The following KRT5 variants were observed in gnomAD, a reference collection of about 807,000 sequenced individuals.
KRT5 encodes the protein keratin, type II cytoskeletal 5.
In KRT5, 17 loss-of-function variants were observed where a neutral mutation model predicts 44.0. The ratio of observed to expected loss-of-function variants is 0.39; its 90% confidence interval spans 0.26 to 0.58. KRT5 has a LOEUF of 0.58. KRT5 is among the 20% of genes least tolerant of loss of function. The probability of loss-of-function intolerance (pLI) is 0.61; values close to 1 mark genes in which losing one functional copy is unlikely to be tolerated. For synonymous variants in KRT5, 329 were observed against 312.8 expected (o/e 1.05, Z -0.55); for missense variants, 737 against 785.5 (o/e 0.94, Z 0.74).
intron 8 of KRT5, 42 bp from the exon 9 acceptor site, chr12:52,515,282 G>T (rs778948719): frequency 1.2e-6 from 2 of 1,600,912 alleles, no homozygotes; most frequent in Admixed American, 1.7e-5. Flanking sequence ...CCATCTGCCA[G>T]GCTGATCCTG....
chr12:52,520,149 T>C lies in KRT5; in HGVS notation c.148A>G (p.Ser50Gly). Residue 50 changes from serine to glycine, a missense_variant, in exon 1 of 9, where the codon AGC (serine) becomes GGC (glycine). By Grantham distance (56) the Ser-to-Gly change is moderately conservative (BLOSUM62 0). This residue lies in a region of KRT5 where 326 missense variants were observed against 333.1 expected (regional missense o/e 0.98). Transcript: ENST00000252242. ...GGGGGGFGRV[S>G]LAGACGVGGY... ...CCCACTCCACAAGCACCCGCAAGGC[T>C]GACCCTGCCGAAGCCACCACCACCG... The C allele has an allele frequency of 6.2e-7, 1 of 1,613,848 alleles. No individual in the cohort carries two copies. Among genetic ancestry groups the C allele is most frequent in the Non-Finnish European group, 8.5e-7 (1 of 1,179,868 alleles).
Position 52,517,631 on chromosome 12 carries a change from T to G in KRT5, c.1051A>C (p.Asn351His), listed in dbSNP as rs1395973356. The G allele has an allele frequency of 1.2e-6, 2 of 1,614,078 alleles. No individual in the cohort carries two copies. Among genetic ancestry groups the G allele is most frequent in the Non-Finnish European group, 1.7e-6 (2 of 1,180,030 alleles). Reference protein sequence around the residue: ...EVKAQYEEIANRSRTEAESWY... With the variant: ...EVKAQYEEIAHRSRTEAESWY... ...GACTCGGCTTCTGTCCGGCTGCGGT[T>G]GGCAATCTCCTCATACTGGGCCTTG... The change falls in exon 5 of 9, where the codon AAC becomes CAC. Residue 351 changes from asparagine to histidine, a missense_variant. Physicochemically the swap from Asn to His is moderately conservative, Grantham distance 68. This residue lies in a region of KRT5 where 344 missense variants were observed against 351.6 expected (regional missense o/e 0.98). Coordinates refer to ENST00000252242, the MANE Select transcript of KRT5 (RefSeq NM_000424.4).
chr12:52,519,769 G>A lies in KRT5; in HGVS notation c.528C>T (p.Asn176=). 1.2e-6 allele frequency: 2 copies of A among 1,614,010 alleles called. No homozygotes were observed. The highest frequency in any genetic ancestry group is 1.7e-6 in the Non-Finnish European group (2 of 1,180,006). Residue 176 remains asparagine, a synonymous_variant, in exon 1 of 9, where the codon AAC becomes AAT. Transcript: ENST00000252242. ...TEEREQIKTL[N]NKFASFIDKV... ...TGTCGATGAAGGAGGCAAACTTATT[G>A]TTGAGGGTCTTGATCTGCTCGCGCT... is the stretch of plus-strand genomic sequence containing the variant.
At chr12:52,518,464 C>T (rs1267857854) in intron 2 of KRT5, 1 of 604,362 alleles carries the variant, frequency 1.7e-6, no homozygotes, top group South Asian at 1.5e-5. Flanking sequence ...TAGTCAATTT[C>T]TCTAGTGTTC....
chr12:52,515,633 A>G (rs1186215200), intron 8 of KRT5, 165 bp downstream of exon 8: 1 of 707,144 alleles, frequency 1.4e-6, no homozygotes, highest in East Asian at 2.7e-5. Context: ...TTCCTGTCCC[A>G]ATCTGTCCTT....
chr12:52,519,823 G>A lies in KRT5; in HGVS notation c.474C>T (p.Asp158=), dbSNP rs1244115077. The A allele has an allele frequency of 1.2e-6, 2 of 1,613,844 alleles. No individual in the cohort carries two copies. Among genetic ancestry groups the A allele is most frequent in the South Asian group, 1.1e-5 (1 of 91,040 alleles). ...SLLTPLNLQI[D]PSIQRVRTEE... is the part of the protein sequence containing the mutation. ...CGGTCCTCACCCTCTGGATGCTGGG[G>A]TCGATTTGCAGGTTGAGGGGAGTCA... Residue 158 remains aspartate, a synonymous_variant, in exon 1 of 9, where the codon GAC becomes GAT. Coordinates refer to ENST00000252242, the MANE Select transcript of KRT5 (RefSeq NM_000424.4).
In KRT5 at chr12:52,519,899, G is replaced by A; in HGVS notation, c.398C>T (p.Pro133Leu). ...FGGGFGGPGF[P>L]VCPPGGIQEV... The stretch of plus-strand genomic sequence containing the variant: ...TTGGATACCTCCAGGAGGGCAGACA[G>A]GAAAGCCAGGGCCACCGAAGCCACC... Residue 133 changes from proline (P) to leucine (L), a missense_variant, in exon 1 of 9, where the codon CCT becomes CTT. Physicochemically the swap from Pro to Leu is moderately conservative, Grantham distance 98. This residue lies in a region of KRT5 where 326 missense variants were observed against 333.1 expected (regional missense o/e 0.98). Transcript: ENST00000252242. 6.2e-7 allele frequency: 1 copy of A among 1,613,944 alleles called. No homozygotes were observed. Among genetic ancestry groups the A allele is most frequent in the East Asian group, 2.2e-5 (1 of 44,846 alleles).
Position 52,514,943 on chromosome 12 carries a change from T to C in KRT5, c.1772A>G (p.Ter591=). The part of the protein sequence containing the change: ...TSSSRKSFKS[*] ...AAGGCAGTGACTTGCAGCAGGTTCTTAGCTCTTGAAGCTCTTCCGGGAGGA... is the reference window on the plus strand; with the variant it reads ...AAGGCAGTGACTTGCAGCAGGTTCTCAGCTCTTGAAGCTCTTCCGGGAGGA... Residue 591 remains the stop codon, a stop_retained_variant, in exon 9 of 9, where the codon TAA becomes TGA. Transcript: ENST00000252242. The C allele has an allele frequency of 6.2e-7, 1 of 1,613,522 alleles. No homozygotes were observed. Among genetic ancestry groups the C allele is most frequent in the Non-Finnish European group, 8.5e-7 (1 of 1,179,760 alleles).
In KRT5 at chr12:52,516,888, C is replaced by T. The variant is rs375104646; in HGVS notation, c.1219-31G>A. On this transcript the variant is annotated intron_variant, in intron 6 of 8. Coordinates refer to ENST00000252242, the MANE Select transcript of KRT5 (RefSeq NM_000424.4). ...GATAGAAAGGAGGAGAGTGGGGTTG[C>T]TTGGGACCTGAGGTGTCTCCTTCTG... 9.3e-6 allele frequency: 15 copies of T among 1,611,148 alleles called. No homozygotes were observed. The East Asian group carries it at 1.1e-4, about 12-fold the overall frequency.
Position 52,517,647 on chromosome 12 carries a change from C to A in KRT5, c.1035G>T (p.Gln345His), listed in dbSNP as rs200832687. The change falls in exon 5 of 9, where the codon CAG (glutamine) becomes CAT (histidine). Residue 345 changes from glutamine to histidine, a missense_variant. By Grantham distance (24) the Gln-to-His change is conservative (BLOSUM62 0). Around this residue, in one of 5 missense-constraint regions of KRT5, gnomAD observed 344 missense variants for 351.6 expected, o/e 0.98. Transcript: ENST00000252242. ...GGCTGCGGTTGGCAATCTCCTCATACTGGGCCTTGACCTCAGCGATGATGC... is the reference window on the plus strand; with the variant it reads ...GGCTGCGGTTGGCAATCTCCTCATAATGGGCCTTGACCTCAGCGATGATGC... ...LDSIIAEVKA[Q>H]YEEIANRSRT... The A allele has an allele frequency of 6.2e-7, 1 of 1,614,222 alleles. No individual in the cohort carries two copies. Among genetic ancestry groups the A allele is most frequent in the Non-Finnish European group, 8.5e-7 (1 of 1,180,024 alleles).
rs1366547155 is a variant in KRT5 at position 52,518,941 on chromosome 12, C to T, written c.770+5G>A. 1 of 1,614,234 alleles carries T rather than the reference C, an allele frequency of 6.2e-7. No homozygotes were observed. The highest frequency in any genetic ancestry group is 1.1e-5 in the South Asian group (1 of 91,080). ...CCCCTGTGTCCACCCTCCACCCCAA[C>T]TCACTTGTTCTTGAAGTCTTCCACC... On this transcript the variant is annotated splice_donor_5th_base_variant and intron_variant, in intron 2 of 8. Transcript: ENST00000252242.
In KRT5 at chr12:52,515,246, G is replaced by A. The variant is rs142320369; in HGVS notation, c.1475-6C>T. ...AACACTGCTTGTGACAACAGCTGCAGGGAAAGGAGGGAGGACTCAGTGAGA... is the reference window on the plus strand; with the variant it reads ...AACACTGCTTGTGACAACAGCTGCAAGGAAAGGAGGGAGGACTCAGTGAGA... On this transcript the variant is annotated splice_polypyrimidine_tract_variant and splice_region_variant and intron_variant, in intron 8 of 8. Transcript: ENST00000252242. 1.9e-4 allele frequency: 302 copies of A among 1,604,802 alleles called. 1 individual carries two copies. In the African/African-American group the frequency reaches 3.5e-3, roughly 19 times the overall value.
rs1462982418 is a variant in KRT5, at chr12:52,515,010, CG to C, written c.1704del (p.Gly570ValfsTer57). On this transcript the variant is annotated frameshift_variant, in exon 9 of 9. Coordinates refer to ENST00000252242, the MANE Select transcript of KRT5 (RefSeq NM_000424.4). LOFTEE classifies it high-confidence loss of function. ...GRGLGVGFGS[G>X]GGSSSSVKFV... ...AATTTGACGCTGGAGCTGCTACCCC[CG>C]CCACTGCCAAAGCCCACCCCCAGCC... is the stretch of plus-strand genomic sequence containing the variant. The C allele has an allele frequency of 6.2e-7, 1 of 1,613,052 alleles. No individual in the cohort carries two copies. Among genetic ancestry groups the C allele is most frequent in the East Asian group, 2.2e-5 (1 of 44,872 alleles).
Position 52,516,822 on chromosome 12 carries a change from C to T in KRT5, c.1254G>A (p.Glu418=). 1 of 1,614,202 alleles carries T rather than the reference C, an allele frequency of 6.2e-7. No homozygotes were observed. The highest frequency in any genetic ancestry group is 8.5e-7 in the Non-Finnish European group (1 of 1,180,046). ...ANLQNAIADA[E]QRGELALKDA... Reference sequence around the variant, plus strand: ...CCTTGAGGGCCAGCTCCCCACGCTGCTCGGCATCCGCAATGGCGTTCTGCA... The same window carrying T: ...CCTTGAGGGCCAGCTCCCCACGCTGTTCGGCATCCGCAATGGCGTTCTGCA... Residue 418 remains glutamate, a synonymous_variant, in exon 7 of 9, where the codon GAG becomes GAA. Transcript: ENST00000252242.
At position 52,519,134 on chromosome 12, in the gene KRT5, C is replaced by T; in HGVS notation, c.582G>A (p.Lys194=). 6.2e-7 allele frequency: 1 copy of T among 1,614,192 alleles called. No individual in the cohort carries two copies. The highest frequency in any genetic ancestry group is 8.5e-7 in the Non-Finnish European group (1 of 1,180,022). Residue 194 remains lysine (K), a synonymous_variant, in exon 2 of 9, where the codon AAG becomes AAA. Transcript: ENST00000252242. ...DKVRFLEQQN[K]VLDTKWTLLQ... is the part of the protein sequence containing the mutation. Reference sequence around the variant, plus strand: ...GCAGGGTCCACTTGGTGTCCAGAACCTTGTTCTGCTGCTCCAGGAACCGCA... The same window carrying T: ...GCAGGGTCCACTTGGTGTCCAGAACTTTGTTCTGCTGCTCCAGGAACCGCA...
Position 52,518,011 on chromosome 12 carries a change from T to C in KRT5, c.832-19A>G. 6.2e-7 allele frequency: 1 copy of C among 1,612,518 alleles called. No homozygotes were observed. The highest frequency in any genetic ancestry group is 8.5e-7 in the Non-Finnish European group (1 of 1,178,464). On this transcript the variant is annotated intron_variant, in intron 3 of 8. Coordinates refer to ENST00000252242, the MANE Select transcript of KRT5 (RefSeq NM_000424.4). ...CTACATCCTGGGGAAACAGGGATGA[T>C]TGGCACTGCACACACCGTCACCCTA... is the stretch of plus-strand genomic sequence containing the variant.
rs148049379 is a variant in KRT5 at position 52,517,621 on chromosome 12, C to T, written c.1061G>A (p.Arg354Gln). The T allele has an allele frequency of 2.1e-4, 336 of 1,614,140 alleles. No individual in the cohort carries two copies. Among genetic ancestry groups the T allele is most frequent in the Non-Finnish European group, 2.4e-4 (285 of 1,180,032 alleles). The change falls in exon 5 of 9, where the codon CGG becomes CAG. Residue 354 changes from arginine to glutamine, a missense_variant. Arg to Gln is a conservative substitution (Grantham distance 43). Transcript: ENST00000252242. Reference sequence around the variant, plus strand: ...CTGATACCAGGACTCGGCTTCTGTCCGGCTGCGGTTGGCAATCTCCTCATA... The same window carrying T: ...CTGATACCAGGACTCGGCTTCTGTCTGGCTGCGGTTGGCAATCTCCTCATA... Reference protein sequence around the residue: ...AQYEEIANRSRTEAESWYQTK... With the variant: ...AQYEEIANRSQTEAESWYQTK...
Position 52,517,762 on chromosome 12 carries a change from G to T in KRT5, c.928-8C>A. On this transcript the variant is annotated splice_polypyrimidine_tract_variant and splice_region_variant and intron_variant, in intron 4 of 8. Transcript: ENST00000252242. ...CTGCATCTGGGACAGCTCCTGCAGG[G>T]AGATTTGGAGTCGGTCATCTGGTTC... The T allele has an allele frequency of 6.2e-7, 1 of 1,614,216 alleles. No homozygotes were observed. Among genetic ancestry groups the T allele is most frequent in the Non-Finnish European group, 8.5e-7 (1 of 1,180,022 alleles).
chr12:52,515,409 G>A (rs932737322), intron 8 of KRT5, 169 bp from the exon 9 acceptor site: 20 of 919,194 alleles, frequency 2.2e-5, no homozygotes, highest in Non-Finnish European at 3.1e-5. Context: ...AAAAGTGGGT[G>A]AGTGTAAGAG....
Sources: gnomAD v4.1 joint callset for allele counts on GRCh38, gnomAD v4.1.1 for gene constraint, gnomAD v4.1.1 regional missense constraint, MANE v1.5 for transcripts, NCBI Gene and HGNC (gene_info 2026-07-23, HGNC 2026-07-21) for gene names.